NCCRP1: variants seen among roughly 807,000 people sequenced by gnomAD.
NCCRP1 encodes NCCRP1, F-box associated domain containing.
A neutral mutation model predicts 34.4 loss-of-function variants in NCCRP1; 32 were observed. The observed-to-expected ratio is 0.93, with a 90% confidence interval of 0.70 to 1.25. NCCRP1 has a LOEUF of 1.25. Among genes scored for constraint, NCCRP1 ranks in the 50% most tolerant of loss-of-function variants. NCCRP1 has a pLI of 0.00. For missense variants in NCCRP1, 372 were observed against 391.8 expected, an observed-to-expected ratio of 0.95 and a Z score of 0.43; for synonymous variants, 172 against 180.1, an observed-to-expected ratio of 0.95 and a Z score of 0.36.
chr19:39,197,383 T>A, intron 1 of NCCRP1, 64 bp downstream of exon 1: 2 of 1,276,144 alleles, frequency 1.6e-6, no homozygotes, highest in Non-Finnish European at 1.0e-6. Flanking sequence ...CCTCTTTCCC[T>A]GTTTCCTTAT....
rs548845948 is a variant in NCCRP1, at chr19:39,197,983, G to A, written c.338-70G>A. 92 of 1,544,166 alleles carry A rather than the reference G, an allele frequency of 6.0e-5. No homozygotes were observed. In the Admixed American group the frequency reaches 1.1e-3, roughly 19 times the overall value. ...CTGCCCTTCCAGTGTATAGCCCTGC[G>A]GGTAGGGAGGGGTGAGGCGGTGGAA... On this transcript the variant is annotated intron_variant, in intron 1 of 5. Transcript: ENST00000339852.
chr19:39,197,150 C>A lies in NCCRP1; in HGVS notation c.168C>A (p.Pro56=), dbSNP rs537537610. ...SLPSPAAPEA[P]ELPEPAQPSE... is the part of the protein sequence containing the mutation. ...CATCGCCCGCAGCCCCGGAGGCCCC[C>A]GAGCTCCCCGAGCCGGCGCAGCCGT... The change falls in exon 1 of 6, where the codon CCC becomes CCA. Residue 56 remains proline (P), a synonymous_variant. Coordinates refer to ENST00000339852, the MANE Select transcript of NCCRP1 (RefSeq NM_001001414.2). 7.9e-5 allele frequency: 116 copies of A among 1,469,566 alleles called. No individual in the cohort carries two copies. In the African/African-American group the frequency reaches 1.5e-3, roughly 19 times the overall value. 91.0% of individuals were successfully genotyped at this position (1,469,566 alleles called of 1,614,324 possible). A position where few individuals can be genotyped will look rare whatever the true frequency, so the allele number is the denominator to read the frequency against.
rs754358994 is a variant in NCCRP1 at position 39,200,624 on chromosome 19, C to T, written c.696C>T (p.His232=). 22 of 1,613,926 alleles carry T rather than the reference C, an allele frequency of 1.4e-5. No homozygotes were observed. The highest frequency in any genetic ancestry group is 1.6e-4 in the Middle Eastern group (1 of 6,084). Reference sequence around the variant, plus strand: ...AGGTGCTGTCACCACAGGTGTCCCACGTATTCCGCCATTATGGTCCCGGTG... The same window carrying T: ...AGGTGCTGTCACCACAGGTGTCCCATGTATTCCGCCATTATGGTCCCGGTG... The part of the protein sequence containing the change: ...GPPGRWVQVS[H]VFRHYGPGVR... The change falls in exon 6 of 6, where the codon CAC becomes CAT. Residue 232 remains histidine (H), a synonymous_variant. Transcript: ENST00000339852. The surrounding 1 kb of genome is among the most constrained non-coding windows in gnomAD (Gnocchi z 5.8).
At chr19:39,198,286 C>T (rs764663282) in intron 3 of NCCRP1, 33 bp downstream of exon 3, 2 of 1,608,950 alleles carry the variant, frequency 1.2e-6, no homozygotes, top group Non-Finnish European at 1.7e-6. Flanking sequence ...GCTTACACTC[C>T]ATTCCCTGCT....
Position 39,200,986 on chromosome 19 carries a change from A to C in NCCRP1, c.*230A>C, listed in dbSNP as rs1176072112. ...CAGTGCCCGACAGATGCTCTGGCAC[A>C]GATGCTTTGTAGATCTCTGTTGAGA... On this transcript the variant is annotated 3_prime_UTR_variant, in exon 6 of 6. Coordinates refer to ENST00000339852, the MANE Select transcript of NCCRP1 (RefSeq NM_001001414.2). The surrounding 1 kb of genome is among the most constrained non-coding windows in gnomAD (Gnocchi z 5.8). The C allele has an allele frequency of 1.9e-6, 1 of 539,890 alleles. No homozygotes were observed. Among genetic ancestry groups the C allele is most frequent in the Non-Finnish European group, 3.3e-6 (1 of 307,440 alleles). The allele number at this position is 539,890 out of a possible 1,614,324, so 33.4% of individuals were successfully genotyped here.
Position 39,200,373 on chromosome 19 carries a change from C to A in NCCRP1, c.576C>A (p.Cys192Ter). ...TCGAGGACAGCCGGCTGGATGCGTG[C>A]GTCTATGAGCTGCATGTCTGGCTGC... ...DWFEDSRLDACVYELHVWLLA... is the reference protein window; with the variant it reads ...DWFEDSRLDA Residue 192 changes from cysteine (C) to a stop codon, truncating the protein, a stop_gained, in exon 5 of 6, where the codon TGC (cysteine) becomes TGA (stop). Coordinates refer to ENST00000339852, the MANE Select transcript of NCCRP1 (RefSeq NM_001001414.2). LOFTEE classifies it high-confidence loss of function. The surrounding 1 kb of genome is among the most constrained non-coding windows in gnomAD (Gnocchi z 5.8). The A allele has an allele frequency of 6.2e-7, 1 of 1,613,756 alleles. No individual in the cohort carries two copies. The highest frequency in any genetic ancestry group is 8.5e-7 in the Non-Finnish European group (1 of 1,179,994).
chr19:39,197,740 C>G (rs1464735291), intron 1 of NCCRP1, among the ~76,000 whole-genome samples: 9 of 152,164 alleles, frequency 5.9e-5, no homozygotes, highest in Non-Finnish European at 7.3e-5. Context: ...CCATGCCTGG[C>G]TAATTTTTGT....
In NCCRP1 at chr19:39,199,221, G is replaced by A. The variant is rs2074776451; in HGVS notation, c.504G>A (p.Glu168=). The A allele has an allele frequency of 6.2e-7, 1 of 1,614,092 alleles. No individual in the cohort carries two copies. The highest frequency in any genetic ancestry group is 1.1e-5 in the South Asian group (1 of 91,080). The change falls in exon 4 of 6, where the codon GAG becomes GAA. Residue 168 remains glutamate (E), a synonymous_variant. Coordinates refer to ENST00000339852, the MANE Select transcript of NCCRP1 (RefSeq NM_001001414.2). The part of the protein sequence containing the change: ...CVDLLAEGLW[E]ELLDDEQPAI... ...ACCTTCTGGCCGAGGGCCTGTGGGA[G>A]GAGCTGCTGGATGACGAACAACCAG...
In NCCRP1 at chr19:39,200,410, C is replaced by A. The variant is rs371038975; in HGVS notation, c.613C>A (p.Arg205Ser). 2 of 1,613,488 alleles carry A rather than the reference C, an allele frequency of 1.2e-6. No homozygotes were observed. The highest frequency in any genetic ancestry group is 1.7e-6 in the Non-Finnish European group (2 of 1,180,018). Residue 205 changes from arginine (R) to serine (S), a missense_variant, in exon 5 of 6, where the codon CGC (arginine) becomes AGC (serine). Arg to Ser is a moderately radical substitution (Grantham distance 110, BLOSUM62 -1). Transcript: ENST00000339852. The surrounding 1 kb of genome is among the most constrained non-coding windows in gnomAD (Gnocchi z 5.8). ...ELHVWLLAAD[R>S]RTVIAQHHVA... ...GCATGTCTGGCTGCTGGCGGCCGAC[C>A]GCCGCACGGTCATTGCTCAGCACCA...
rs2074781877 is a variant in NCCRP1 at position 39,200,232 on chromosome 19, G to T, written c.549-114G>T. 2 of 1,393,656 alleles carry T rather than the reference G, an allele frequency of 1.4e-6. No individual in the cohort carries two copies. Among genetic ancestry groups the T allele is most frequent in the Admixed American group, 3.6e-5 (2 of 55,420 alleles). 86.3% of individuals were successfully genotyped at this position (1,393,656 alleles called of 1,614,324 possible). On this transcript the variant is annotated intron_variant, in intron 4 of 5. Coordinates refer to ENST00000339852, the MANE Select transcript of NCCRP1 (RefSeq NM_001001414.2). The surrounding 1 kb of genome is among the most constrained non-coding windows in gnomAD (Gnocchi z 5.8). ...TATGTTGCCAGCACCACCCAGCTCA[G>T]GGCTGTGTACAGCATGGGTAGCAGC... is the stretch of plus-strand genomic sequence containing the variant.
rs1317539145 is a variant in NCCRP1, at chr19:39,200,419, G to T, written c.622G>T (p.Val208Phe). The stretch of plus-strand genomic sequence containing the variant: ...GCTGCTGGCGGCCGACCGCCGCACG[G>T]TCATTGCTCAGCACCACGTGGCCCC... ...VWLLAADRRT[V>F]IAQHHVAPRT... The change falls in exon 5 of 6, where the codon GTC becomes TTC. Residue 208 changes from valine (V) to phenylalanine (F), a missense_variant. Val to Phe is a conservative substitution (Grantham distance 50). Coordinates refer to ENST00000339852, the MANE Select transcript of NCCRP1 (RefSeq NM_001001414.2). This position sits in a 1 kb window ranked among gnomAD's most constrained non-coding sequence, Gnocchi z 5.8. 6.2e-7 allele frequency: 1 copy of T among 1,613,562 alleles called. No individual in the cohort carries two copies. Among genetic ancestry groups the T allele is most frequent in the Admixed American group, 1.7e-5 (1 of 60,026 alleles).
In NCCRP1 at chr19:39,199,216, TGG is replaced by T. The variant is rs781108899; in HGVS notation, c.501_502del (p.Trp167Ter). The T allele has an allele frequency of 6.2e-7, 1 of 1,613,944 alleles. No homozygotes were observed. Among genetic ancestry groups the T allele is most frequent in the Non-Finnish European group, 8.5e-7 (1 of 1,180,010 alleles). On this transcript the variant is annotated frameshift_variant, in exon 4 of 6. Transcript: ENST00000339852. LOFTEE classifies it high-confidence loss of function. ...QCVDLLAEGL[W>X]EELLDDEQPA... ...TGTGGACCTTCTGGCCGAGGGCCTG[TGG>T]GAGGAGCTGCTGGATGACGAACAAC...
In NCCRP1 at chr19:39,198,354, T is replaced by A. The variant is rs142970266; in HGVS notation, c.452+101T>A. ...TGACTTGGCCTCTCTGGACCTCCAT[T>A]TCCTGCTCTGTAAACAGGGTTAGCA... On this transcript the variant is annotated intron_variant, in intron 3 of 5. Transcript: ENST00000339852. The A allele has an allele frequency of 9.1e-4, 1,142 of 1,253,210 alleles. 4 individuals carry two copies. The African/African-American group carries it at 0.014, about 15-fold the overall frequency. The allele number at this position is 1,253,210 out of a possible 1,614,324, so 77.6% of individuals were successfully genotyped here.
In NCCRP1 at chr19:39,200,432, A is replaced by C. The variant is rs1488630882; in HGVS notation, c.635A>C (p.His212Pro). ...AADRRTVIAQ[H>P]HVAPRTSGRG... is the part of the protein sequence containing the mutation. ...GACCGCCGCACGGTCATTGCTCAGC[A>C]CCACGTGGCCCCCCGAACTTCTGGG... Residue 212 changes from histidine to proline, a missense_variant, in exon 5 of 6, where the codon CAC becomes CCC. His to Pro is a moderately conservative substitution (Grantham distance 77). Coordinates refer to ENST00000339852, the MANE Select transcript of NCCRP1 (RefSeq NM_001001414.2). This position sits in a 1 kb window ranked among gnomAD's most constrained non-coding sequence, Gnocchi z 5.8. The C allele has an allele frequency of 6.2e-7, 1 of 1,613,442 alleles. No homozygotes were observed. Among genetic ancestry groups the C allele is most frequent in the Non-Finnish European group, 8.5e-7 (1 of 1,180,024 alleles).
At chr19:39,198,871 G>A (rs1429425956) in intron 3 of NCCRP1, among the ~76,000 whole-genome samples, 1 of 152,150 alleles carries the variant, frequency 6.6e-6, no homozygotes, top group African/African-American at 2.4e-5. Context: ...TAGATGAGCT[G>A]GTGTGACTTG....
Position 39,197,300 on chromosome 19 carries a change from G to A in NCCRP1, c.318G>A (p.Leu106=). 1 of 1,479,700 alleles carries A rather than the reference G, an allele frequency of 6.8e-7. No homozygotes were observed. Among genetic ancestry groups the A allele is most frequent in the South Asian group, 1.3e-5 (1 of 75,180 alleles). The allele number at this position is 1,479,700 out of a possible 1,614,324, so 91.7% of individuals were successfully genotyped here. A position where few individuals can be genotyped will look rare whatever the true frequency, so the allele number is the denominator to read the frequency against. Residue 106 remains leucine, a synonymous_variant, in exon 1 of 6, where the codon CTG becomes CTA. Coordinates refer to ENST00000339852, the MANE Select transcript of NCCRP1 (RefSeq NM_001001414.2). ...LLRRPLYRNL[L]RSPNPEGINI... Reference sequence around the variant, plus strand: ...GGCGGCCGCTCTACCGCAACCTGCTGCGCTCGCCCAACCCCGAAGGTGCGC... The same window carrying A: ...GGCGGCCGCTCTACCGCAACCTGCTACGCTCGCCCAACCCCGAAGGTGCGC...
Position 39,197,323 on chromosome 19 carries a change from C to G in NCCRP1, c.337+4C>G. 6.9e-7 allele frequency: 1 copy of G among 1,446,946 alleles called. No homozygotes were observed. Among genetic ancestry groups the G allele is most frequent in the South Asian group, 1.5e-5 (1 of 68,818 alleles). 89.6% of individuals were successfully genotyped at this position (1,446,946 alleles called of 1,614,324 possible). A position where few individuals can be genotyped will look rare whatever the true frequency, so the allele number is the denominator to read the frequency against. ...CTGCGCTCGCCCAACCCCGAAGGTG[C>G]GCAAGGGCCCAGAGCAGCCAGGAGG... On this transcript the variant is annotated splice_donor_region_variant and intron_variant, in intron 1 of 5. Transcript: ENST00000339852.
chr19:39,198,648 G>A (rs753453670), intron 3 of NCCRP1, among the ~76,000 whole-genome samples: 1 of 151,964 alleles, frequency 6.6e-6, no homozygotes, highest in Non-Finnish European at 1.5e-5. Flanking sequence ...TAGTAGAGAC[G>A]GAGTTTCACC....
intron 4 of NCCRP1, among the ~76,000 whole-genome samples, chr19:39,199,509 C>CTTTTTTTTTTTTT (rs150534648): frequency 2.4e-4 from 16 of 67,866 alleles, no homozygotes; most frequent in East Asian, 5.6e-4. Context: ...TTTTTTCTTT[C>CTTTTTTTTTTTTT]TTTTTTTTTT....
Sources: allele counts gnomAD v4.1 joint callset (sites outside exome capture counted in the v4.1 genomes callset), GRCh38; gene constraint gnomAD v4.1.1; non-coding constraint Gnocchi (gnomAD v3.1); transcripts MANE v1.5; gene names NCBI Gene and HGNC (gene_info 2026-07-23, HGNC 2026-07-21).